The following GASK1A variants were observed in gnomAD, a reference collection of about 807,000 sequenced individuals.
GASK1A encodes golgi associated kinase 1A, also known as Golgi-associated kinase 1A.
GASK1A carries 40 observed loss-of-function variants against 41.2 expected under a neutral mutation model. The observed-to-expected ratio is 0.97, with a 90% CI of 0.75 to 1.27. The LOEUF (loss-of-function observed/expected upper bound fraction) is 1.27, where lower values mean the gene tolerates loss of function less well. Among genes scored for constraint, GASK1A ranks in the 50% most tolerant of loss-of-function variants. GASK1A has a pLI of 0.00. For missense variants in GASK1A, 678 were observed against 745.1 expected, an observed-to-expected ratio of 0.91 and a Z score of 1.05; for synonymous variants, 316 against 307.1, an observed-to-expected ratio of 1.03 and a Z score of -0.30.
At chr3:43,018,469 G>A (rs573195725) in intron 1 of GASK1A, among the ~76,000 whole-genome samples, 1 of 152,206 alleles carries the variant, frequency 6.6e-6, no homozygotes, top group East Asian at 1.9e-4. Flanking sequence ...TGGAATAAGC[G>A]GGAGGCATAG....
rs559808223 is a variant in GASK1A at position 43,032,711 on chromosome 3, G to A, written c.448G>A (p.Asp150Asn). The change falls in exon 2 of 5, where the codon GAC becomes AAC. Residue 150 changes from aspartate (D) to asparagine (N), a missense_variant. Physicochemically the swap from Asp to Asn is conservative, Grantham distance 23. Transcript: ENST00000430121. Reference sequence around the variant, plus strand: ...TGAGGTTGGAGATCCAGGAACCAAAGACCTGGGCCACCCCCAGCATGGCAG... The same window carrying A: ...TGAGGTTGGAGATCCAGGAACCAAAAACCTGGGCCACCCCCAGCATGGCAG... ...EDEVGDPGTK[D>N]LGHPQHGSPI... 2 of 1,551,634 alleles carry A rather than the reference G, an allele frequency of 1.3e-6. No individual in the cohort carries two copies. The highest frequency in any genetic ancestry group is 2.4e-5 in the East Asian group (1 of 40,904).
At position 43,044,902 on chromosome 3, in the gene GASK1A, G is replaced by A. The variant is rs369334190; in HGVS notation, c.1291-8619G>A. On this transcript the variant is annotated intron_variant, in intron 2 of 4. Coordinates refer to ENST00000430121, the MANE Select transcript of GASK1A (RefSeq NM_001129908.3). ...GTCAAAGGAACGAGAAAAGACAAGA[G>A]TGCATAATGTGGGTCCAGGGGGCCA... 7.9e-5 allele frequency among the ~76,000 whole-genome samples: 12 copies of A among 152,290 alleles called. No individual in the cohort carries two copies. In the East Asian group the frequency reaches 2.3e-3, roughly 29 times the overall value.
intron 1 of GASK1A, among the ~76,000 whole-genome samples, chr3:43,031,487 G>A (rs972816832): frequency 1.3e-5 from 2 of 152,302 alleles, no homozygotes; most frequent in African/African-American, 2.4e-5. Flanking sequence ...GATACTGCTG[G>A]TCCCACGTGA....
intron 2 of GASK1A, among the ~76,000 whole-genome samples, chr3:43,047,541 A>G (rs1442105749): frequency 6.6e-6 from 1 of 152,124 alleles, no homozygotes; most frequent in Admixed American, 6.5e-5. Context: ...AACGTCTTCC[A>G]CTGATTGCTG....
intron 2 of GASK1A, among the ~76,000 whole-genome samples, chr3:43,042,461 G>A (rs2089642864): frequency 1.3e-5 from 2 of 152,036 alleles, no homozygotes; most frequent in Admixed American, 6.6e-5. Flanking sequence ...CCAGCCTGGC[G>A]ACAGAGCCAG....
chr3:43,033,103 A>T lies in GASK1A; in HGVS notation c.840A>T (p.Lys280Asn), dbSNP rs2089587241. 1.9e-6 allele frequency: 3 copies of T among 1,551,600 alleles called. No individual in the cohort carries two copies. The highest frequency in any genetic ancestry group is 2.7e-5 in the African/African-American group (2 of 73,046). Residue 280 changes from lysine (K) to asparagine (N), a missense_variant, in exon 2 of 5, where the codon AAA (lysine) becomes AAT (asparagine). Physicochemically the swap from Lys to Asn is moderately conservative, Grantham distance 94 (BLOSUM62 0). Transcript: ENST00000430121. ...RLLAQGEVVD[K>N]ARVPAHGQVL... The stretch of plus-strand genomic sequence containing the variant: ...TGGCACAGGGGGAGGTGGTGGACAA[A>T]GCCAGGGTCCCCGCCCATGGGCAGG...
intron 1 of GASK1A, among the ~76,000 whole-genome samples, chr3:42,987,735 A>G (rs1181962990): frequency 6.6e-6 from 1 of 152,106 alleles, no homozygotes; most frequent in Non-Finnish European, 1.5e-5. Context: ...GTGGTGGCTC[A>G]CACCTGTAAT....
Position 43,021,405 on chromosome 3 carries a change from G to A in GASK1A, c.4-10862G>A, listed in dbSNP as rs137958109. 5.1e-3 allele frequency among the ~76,000 whole-genome samples: 776 copies of A among 152,198 alleles called. 9 individuals are homozygous for A. Among genetic ancestry groups the A allele is most frequent in the African/African-American group, 0.018 (729 of 41,516 alleles). On this transcript the variant is annotated intron_variant, in intron 1 of 4. Coordinates refer to ENST00000430121, the MANE Select transcript of GASK1A (RefSeq NM_001129908.3). ...CCCAGGTGGCTTCCTCCTGGCTGAC[G>A]CTTGTGGTTTTACAATGAAAGAGCT... is the stretch of plus-strand genomic sequence containing the variant.
chr3:43,041,658 T>A (rs1420669124), intron 2 of GASK1A, among the ~76,000 whole-genome samples: 1 of 152,236 alleles, frequency 6.6e-6, no homozygotes, highest in Non-Finnish European at 1.5e-5. Flanking sequence ...CTTTTAACAG[T>A]TGCTCAGTTT....
chr3:42,998,967 T>G (rs2089391834), intron 1 of GASK1A, among the ~76,000 whole-genome samples: 1 of 147,026 alleles, frequency 6.8e-6, no homozygotes, highest in Non-Finnish European at 1.5e-5. Context: ...TATTGGCTTT[T>G]GGACTTTTTT....
In GASK1A at chr3:43,032,333, A is replaced by T; in HGVS notation, c.70A>T (p.Ile24Phe). ...RPVIAFCLLM[I>F]LSAMAVTRFP... ...AGTGATAGCGTTCTGCCTCTTGATG[A>T]TCCTATCTGCGATGGCTGTCACCCG... The change falls in exon 2 of 5, where the codon ATC (isoleucine) becomes TTC (phenylalanine). Residue 24 changes from isoleucine (I) to phenylalanine (F), a missense_variant. Physicochemically the swap from Ile to Phe is conservative, Grantham distance 21. Transcript: ENST00000430121. 1 of 1,550,660 alleles carries T rather than the reference A, an allele frequency of 6.4e-7. No individual in the cohort carries two copies. The highest frequency in any genetic ancestry group is 1.2e-5 in the South Asian group (1 of 83,940).
intron 2 of GASK1A, among the ~76,000 whole-genome samples, chr3:43,038,298 CCTTT>C (rs978828621): frequency 5.9e-5 from 9 of 152,156 alleles, no homozygotes; most frequent in African/African-American, 1.7e-4. Flanking sequence ...ATGTTATCAT[CCTTT>C]CTTCCATTCT....
Position 43,033,059 on chromosome 3 carries a change from G to A in GASK1A, c.796G>A (p.Val266Met), listed in dbSNP as rs951447289. 59 of 1,551,602 alleles carry A rather than the reference G, an allele frequency of 3.8e-5. 1 individual carries two copies. In the Admixed American group the frequency reaches 1.2e-3, roughly 30 times the overall value. ...QAPPWLTDHD[V>M]QMLRLLAQGE... ...TCCCCCATGGCTGACAGACCACGAT[G>A]TGCAGATGCTCCGTCTGTTGGCACA... Residue 266 changes from valine to methionine, a missense_variant, in exon 2 of 5, where the codon GTG becomes ATG. By Grantham distance (21) the Val-to-Met change is conservative (BLOSUM62 1). Transcript: ENST00000430121.
chr3:43,038,034 C>T (rs978805221), intron 2 of GASK1A, among the ~76,000 whole-genome samples: 1 of 152,112 alleles, frequency 6.6e-6, no homozygotes, highest in African/African-American at 2.4e-5. Context: ...GTAATATTGC[C>T]GTTCTGCTGA....
At chr3:42,991,907 A>C (rs1043023729) in intron 1 of GASK1A, among the ~76,000 whole-genome samples, 1 of 152,110 alleles carries the variant, frequency 6.6e-6, no homozygotes, top group Non-Finnish European at 1.5e-5. Context: ...ACGGGTGCTC[A>C]TTCCCAGCCT....
intron 1 of GASK1A, among the ~76,000 whole-genome samples, chr3:42,985,797 C>CTG (rs1427069259): frequency 1.3e-5 from 2 of 152,154 alleles, no homozygotes; most frequent in Admixed American, 6.6e-5. Context: ...GGAGAAGCCA[C>CTG]TGTACATCTG....
In GASK1A at chr3:43,032,409, C is replaced by T. The variant is rs1341297527; in HGVS notation, c.146C>T (p.Pro49Leu). ...SAGPDPGPME[P>L]QGVTGAPATH... is the part of the protein sequence containing the mutation. Reference sequence around the variant, plus strand: ...GGCCCAGACCCTGGTCCCATGGAGCCTCAGGGGGTAACTGGCGCCCCTGCA... The same window carrying T: ...GGCCCAGACCCTGGTCCCATGGAGCTTCAGGGGGTAACTGGCGCCCCTGCA... The change falls in exon 2 of 5, where the codon CCT becomes CTT. Residue 49 changes from proline to leucine, a missense_variant. Pro to Leu is a moderately conservative substitution (Grantham distance 98). Transcript: ENST00000430121. 1.3e-6 allele frequency: 2 copies of T among 1,551,476 alleles called. No homozygotes were observed. Among genetic ancestry groups the T allele is most frequent in the South Asian group, 1.2e-5 (1 of 84,048 alleles).
intron 1 of GASK1A, among the ~76,000 whole-genome samples, chr3:43,001,236 AAG>A (rs2089407428): frequency 6.6e-6 from 1 of 152,160 alleles, no homozygotes; most frequent in Non-Finnish European, 1.5e-5. Context: ...CATATGCTGT[AAG>A]AAGTTCCACG....
At chr3:43,027,580 G>A (rs1258217274) in intron 1 of GASK1A, among the ~76,000 whole-genome samples, 1 of 151,972 alleles carries the variant, frequency 6.6e-6, no homozygotes, top group Non-Finnish European at 1.5e-5. Context: ...GCAAGGAGGG[G>A]GAAGAGGAAA....
Sources: gnomAD v4.1 joint callset for allele counts (sites outside exome capture counted in the v4.1 genomes callset) on GRCh38, gnomAD v4.1.1 for gene constraint, MANE v1.5 for transcripts, NCBI Gene and HGNC (gene_info 2026-07-23, HGNC 2026-07-21) for gene names.